PGR: variants seen among roughly 807,000 people sequenced by gnomAD.
PGR encodes the protein progesterone receptor, also known as nuclear receptor subfamily 3 group C member 3.
Under a neutral mutation model 76.1 loss-of-function variants are expected in PGR, and 25 were observed. The observed-to-expected ratio is 0.33, with a 90% CI of 0.24 to 0.46. The LOEUF is 0.46. PGR is among the 20% of genes least tolerant of loss of function. PGR has a pLI of 1.00. For synonymous variants in PGR, 579 were observed against 535.0 expected (o/e 1.08, Z -1.14); for missense variants, 1,172 against 1,225.3 (o/e 0.96, Z 0.65).
intron 3 of PGR, among the ~76,000 whole-genome samples, chr11:101,081,481 A>G (rs1216514603): frequency 6.6e-6 from 1 of 152,088 alleles, no homozygotes; most frequent in Non-Finnish European, 1.5e-5. Context: ...CAAAGGCAAT[A>G]TTACAGAAAA....
At chr11:101,089,921 G>A (rs11571189) in intron 3 of PGR, among the ~76,000 whole-genome samples, 1,754 of 152,282 alleles carry the variant, frequency 0.012, 16 homozygotes, top group Non-Finnish European at 0.016. Flanking sequence ...GCTAAAGGCC[G>A]GGTGCAGTGG....
At chr11:101,039,331 T>C in intron 7 of PGR, 60 bp from the exon 8 acceptor site, 1 of 1,221,114 alleles carries the variant, frequency 8.2e-7, no homozygotes, top group Non-Finnish European at 1.2e-6. Flanking sequence ...CATATGCTAT[T>C]CAAACATGGC....
chr11:101,098,596 C>A (rs1291454914), intron 2 of PGR, among the ~76,000 whole-genome samples: 1 of 152,018 alleles, frequency 6.6e-6, no homozygotes, highest in African/African-American at 2.4e-5. Context: ...AGGTAAATCT[C>A]TATAAGCCAG....
Position 101,029,677 on chromosome 11 carries a change from A to T in PGR, c.*9439T>A, listed in dbSNP as rs1242176897. The T allele has an allele frequency of 5.0e-6, 1 of 200,326 alleles. No individual in the cohort carries two copies. The highest frequency in any genetic ancestry group is 1.9e-4 in the South Asian group (1 of 5,264). The allele number at this position is 200,326 out of a possible 1,614,324, so 12.4% of individuals were successfully genotyped here. A position where few individuals can be genotyped will look rare whatever the true frequency, so the allele number is the denominator to read the frequency against. Reference sequence around the variant, plus strand: ...ACAGAATAACAAGAATTAGAGTTAAATTCACAATATTTTTAAAGAAAACAT... The same window carrying T: ...ACAGAATAACAAGAATTAGAGTTAATTTCACAATATTTTTAAAGAAAACAT... On this transcript the variant is annotated 3_prime_UTR_variant, in exon 8 of 8. Transcript: ENST00000325455.
At chr11:101,126,277 A>G in intron 1 of PGR, 119 bp from the exon 2 acceptor site, 1 of 903,052 alleles carries the variant, frequency 1.1e-6, no homozygotes, top group East Asian at 2.6e-5. Context: ...AACTGTATAT[A>G]TACACTTGAA....
At chr11:101,056,836 C>T (rs1401548582) in intron 4 of PGR, among the ~76,000 whole-genome samples, 3 of 152,052 alleles carry the variant, frequency 2.0e-5, no homozygotes, top group Non-Finnish European at 4.4e-5. Flanking sequence ...CTTTCATACA[C>T]AAGTATCAAT....
At chr11:101,066,191 C>A (rs777500446) in intron 3 of PGR, among the ~76,000 whole-genome samples, 3 of 152,174 alleles carry the variant, frequency 2.0e-5, no homozygotes, top group Non-Finnish European at 4.4e-5. Flanking sequence ...TCAGGTCATT[C>A]CTCTCCTTAT....
chr11:101,039,103 A>G lies in PGR; in HGVS notation c.*13T>C, dbSNP rs776119273. 8 of 1,606,630 alleles carry G rather than the reference A, an allele frequency of 5.0e-6. No individual in the cohort carries two copies. The highest frequency in any genetic ancestry group is 6.8e-6 in the Non-Finnish European group (8 of 1,173,906). On this transcript the variant is annotated 3_prime_UTR_variant, in exon 8 of 8. Transcript: ENST00000325455. Reference sequence around the variant, plus strand: ...ACCACAAAATTTAATTCTTTAAAAGAAAAAGATGACATTCACTTTTTATGA... The same window carrying G: ...ACCACAAAATTTAATTCTTTAAAAGGAAAAGATGACATTCACTTTTTATGA...
At chr11:101,119,962 GACTCTT>G (rs1261373526) in intron 2 of PGR, among the ~76,000 whole-genome samples, 1 of 152,118 alleles carries the variant, frequency 6.6e-6, no homozygotes, top group Non-Finnish European at 1.5e-5. Context: ...CACCTCAAAG[GACTCTT>G]ACAAGGATTA....
chr11:101,127,392 T>C (rs1862877964), intron 1 of PGR, 42 bp downstream of exon 1: 2 of 1,448,878 alleles, frequency 1.4e-6, no homozygotes, highest in Non-Finnish European at 1.8e-6. Flanking sequence ...ACGGAACCGC[T>C]ACTCCCGGAC....
At chr11:101,070,890 C>T (rs955189006) in intron 3 of PGR, among the ~76,000 whole-genome samples, 10 of 152,132 alleles carry the variant, frequency 6.6e-5, no homozygotes, top group African/African-American at 1.7e-4. Context: ...TGGCTGTGGG[C>T]GCAGCTTCAG....
chr11:101,042,200 T>A, intron 6 of PGR, 98 bp from the exon 7 acceptor site: 3 of 1,249,448 alleles, frequency 2.4e-6, no homozygotes, highest in Non-Finnish European at 3.4e-6. Flanking sequence ...TTTCTTCTGA[T>A]ACATGACTCT....
chr11:101,091,354 A>G (rs139212557), intron 3 of PGR, among the ~76,000 whole-genome samples: 1 of 152,202 alleles, frequency 6.6e-6, no homozygotes, highest in Non-Finnish European at 1.5e-5. Context: ...ACCAATTTGC[A>G]GAGTCAATTT....
chr11:101,128,216 C>T lies in PGR; in HGVS notation c.855G>A (p.Gln285=). 6.3e-7 allele frequency: 1 copy of T among 1,598,226 alleles called. No homozygotes were observed. ...AGCGCCCGGGCGCCATCGGCGCGTC[C>T]TGCTCCACCAGGGCGACCCTGGGCG... The part of the protein sequence containing the change: ...FSAPRVALVE[Q]DAPMAPGRSP... The change falls in exon 1 of 8, where the codon CAG becomes CAA. Residue 285 remains glutamine (Q), a synonymous_variant. Coordinates refer to ENST00000325455, the MANE Select transcript of PGR (RefSeq NM_000926.4).
intron 2 of PGR, among the ~76,000 whole-genome samples, chr11:101,101,304 GAAAC>G (rs995695205): frequency 1.6e-4 from 25 of 152,028 alleles, no homozygotes; most frequent in African/African-American, 5.6e-4. Context: ...AAGAATGAAA[GAAAC>G]AAGAGGAACT....
At chr11:101,091,909 A>C (rs769225479) in intron 2 of PGR, 33 bp from the exon 3 acceptor site, 1 of 1,044,112 alleles carries the variant, frequency 9.6e-7, no homozygotes, top group Non-Finnish European at 1.5e-6. Context: ...AATTATTTAC[A>C]ATATCTAAGA....
chr11:101,126,445 C>T (rs559927988), intron 1 of PGR, among the ~76,000 whole-genome samples: 2 of 152,256 alleles, frequency 1.3e-5, no homozygotes, highest in African/African-American at 4.8e-5. Context: ...GGAAATCTTT[C>T]TACAAAACTC....
chr11:101,095,193 T>C (rs1034113572), intron 2 of PGR, among the ~76,000 whole-genome samples: 2 of 152,250 alleles, frequency 1.3e-5, no homozygotes, highest in Admixed American at 1.3e-4. Flanking sequence ...TATACTTTTA[T>C]AAAACTCTCA....
At chr11:101,114,911 T>G (rs1862455095) in intron 2 of PGR, among the ~76,000 whole-genome samples, 1 of 152,206 alleles carries the variant, frequency 6.6e-6, no homozygotes, top group Non-Finnish European at 1.5e-5. Flanking sequence ...CAAAAAATAT[T>G]TAGGGGCTTC....
Sources: gnomAD v4.1 joint callset for allele counts (sites outside exome capture counted in the v4.1 genomes callset) on GRCh38, gnomAD v4.1.1 for gene constraint, MANE v1.5 for transcripts, NCBI Gene and HGNC (gene_info 2026-07-23, HGNC 2026-07-21) for gene names.